GTF3C3: variants seen among roughly 807,000 people sequenced by gnomAD.
The protein encoded by GTF3C3 is general transcription factor IIIC subunit 3, also known as general transcription factor 3C polypeptide 3.
In GTF3C3, 75 loss-of-function variants were observed where a neutral mutation model predicts 105.2. The observed-to-expected ratio is 0.71, with a 90% CI of 0.59 to 0.86. The LOEUF is 0.86. Ranked by LOEUF, GTF3C3 falls within the 40% of genes least tolerant of loss-of-function variation. GTF3C3 has a pLI of 0.00. For missense variants in GTF3C3, 856 were observed against 1,076.5 expected (o/e 0.80, Z 2.87); for synonymous variants, 335 against 370.4 (o/e 0.90, Z 1.10).
At chr2:196,779,154 G>C in intron 9 of GTF3C3, 87 bp from the exon 10 acceptor site, 18 of 1,006,078 alleles carry the variant, frequency 1.8e-5, no homozygotes, top group Non-Finnish European at 2.5e-5. Context: ...TTGAGATGAA[G>C]TCTCTCCCTG....
At chr2:196,778,091 A>G (rs1699287732) in intron 10 of GTF3C3, 1 of 152,240 alleles carries the variant, frequency 6.6e-6, no homozygotes, top group Non-Finnish European at 1.5e-5. Flanking sequence ...CCAAAATGCC[A>G]ATCAATGCTT....
intron 16 of GTF3C3, 137 bp from the exon 17 acceptor site, chr2:196,766,854 G>T: frequency 1.8e-6 from 1 of 556,364 alleles, no homozygotes; most frequent in Non-Finnish European, 3.1e-6. Context: ...TTACTGTGTA[G>T]TATTACAGTG....
At chr2:196,784,813 AAG>A in intron 8 of GTF3C3, 42 bp downstream of exon 8, 1 of 1,549,634 alleles carries the variant, frequency 6.5e-7, no homozygotes, top group Non-Finnish European at 8.7e-7. Flanking sequence ...CCTTATGACC[AAG>A]AGAGGATTAT....
chr2:196,780,850 G>A (rs961062306), intron 8 of GTF3C3, 188 bp from the exon 9 acceptor site: 10 of 560,846 alleles, frequency 1.8e-5, no homozygotes, highest in Admixed American at 6.8e-5. Context: ...CTTCCTATTC[G>A]ATTTCTAATA....
Position 196,785,523 on chromosome 2 carries a change from T to TCATCCTA in GTF3C3, c.958_959insTAGGATG (p.His320LeufsTer3). ...ATCTTCCATGGAGACTAGGCCCTGG[T>TCATCCTA]GTTTTGAGAAAGCTTCATCAATTAT... On this transcript the variant is annotated stop_gained and frameshift_variant, in exon 7 of 18. Coordinates refer to ENST00000263956, the MANE Select transcript of GTF3C3 (RefSeq NM_012086.5). LOFTEE classifies it high-confidence loss of function. 6.2e-7 allele frequency: 1 copy of TCATCCTA among 1,605,310 alleles called. No individual in the cohort carries two copies. Among genetic ancestry groups the TCATCCTA allele is most frequent in the Non-Finnish European group, 8.5e-7 (1 of 1,172,416 alleles).
At chr2:196,782,982 C>T (rs150115319) in intron 8 of GTF3C3, among the ~76,000 whole-genome samples, 12 of 152,294 alleles carry the variant, frequency 7.9e-5, no homozygotes, top group African/African-American at 2.9e-4. Context: ...AGGTCTTTCA[C>T]ATTCAGAAGA....
intron 2 of GTF3C3, among the ~76,000 whole-genome samples, chr2:196,795,593 C>T (rs958114118): frequency 7.2e-5 from 11 of 152,188 alleles, no homozygotes; most frequent in Non-Finnish European, 1.5e-5. Context: ...TAGAACGAAG[C>T]ATTTGATAAA....
chr2:196,773,133 T>C lies in GTF3C3; in HGVS notation c.1852A>G (p.Ser618Gly). The change falls in exon 14 of 18, where the codon AGC becomes GGC. Residue 618 changes from serine to glycine, a missense_variant. Ser to Gly is a moderately conservative substitution (Grantham distance 56). This residue lies in a region of GTF3C3 where 605 missense variants were observed against 833.6 expected (regional missense o/e 0.73). Coordinates refer to ENST00000263956, the MANE Select transcript of GTF3C3 (RefSeq NM_012086.5). The stretch of plus-strand genomic sequence containing the variant: ...CACCAGTCATCCTTTGTCAAGACGC[T>C]TGTGAGCACAGCAAATATTGCTAAA... ...DAKAIFAVLTSVLTKDDWWNL... is the reference protein window; with the variant it reads ...DAKAIFAVLTGVLTKDDWWNL... The C allele has an allele frequency of 6.2e-7, 1 of 1,604,788 alleles. No homozygotes were observed. Among genetic ancestry groups the C allele is most frequent in the Non-Finnish European group, 8.5e-7 (1 of 1,175,010 alleles).
intron 14 of GTF3C3, 120 bp downstream of exon 14, chr2:196,772,796 A>C: frequency 3.3e-6 from 2 of 603,116 alleles, no homozygotes; most frequent in Admixed American, 2.8e-5. Context: ...GCCTCTGGGA[A>C]TCACCAATTA....
chr2:196,796,192 T>C (rs530372696), intron 2 of GTF3C3, among the ~76,000 whole-genome samples: 3 of 152,336 alleles, frequency 2.0e-5, no homozygotes, highest in African/African-American at 7.2e-5. Flanking sequence ...GGTAGAGTTC[T>C]GGGACAATTC....
intron 17 of GTF3C3, among the ~76,000 whole-genome samples, chr2:196,765,116 G>C (rs556265440): frequency 1.3e-5 from 2 of 152,104 alleles, no homozygotes; most frequent in African/African-American, 4.8e-5. Context: ...GAACACCAAT[G>C]AGCCAATGGG....
At chr2:196,765,446 C>G (rs1699044124) in intron 17 of GTF3C3, among the ~76,000 whole-genome samples, 1 of 151,712 alleles carries the variant, frequency 6.6e-6, no homozygotes. Flanking sequence ...TGAAAACTGC[C>G]TCCAGTAATA....
chr2:196,764,612 C>G lies in GTF3C3; in HGVS notation c.2612G>C (p.Gly871Ala). The change falls in exon 18 of 18, where the codon GGG (glycine) becomes GCG (alanine). Residue 871 changes from glycine to alanine, a missense_variant. This residue lies in a region of GTF3C3 where 134 missense variants were observed against 128.9 expected (regional missense o/e 1.04). Transcript: ENST00000263956. ...AAGCGTTTGAGCCATTCCGGTATTCCCACTGCTCTGATAGATGAGAGACAA... is the reference window on the plus strand; with the variant it reads ...AAGCGTTTGAGCCATTCCGGTATTCGCACTGCTCTGATAGATGAGAGACAA... ...YNLSLIYQSS[G>A]NTGMAQTLLY... 6 of 1,613,478 alleles carry G rather than the reference C, an allele frequency of 3.7e-6. No individual in the cohort carries two copies. The highest frequency in any genetic ancestry group is 5.1e-6 in the Non-Finnish European group (6 of 1,179,506).
At chr2:196,777,282 C>A (rs1056467119) in intron 10 of GTF3C3, among the ~76,000 whole-genome samples, 2 of 152,138 alleles carry the variant, frequency 1.3e-5, no homozygotes, top group South Asian at 4.2e-4. Flanking sequence ...TCACTTCACT[C>A]ATTTTTGTTA....
At chr2:196,784,724 C>G in intron 8 of GTF3C3, 133 bp downstream of exon 8, 4 of 1,121,024 alleles carry the variant, frequency 3.6e-6, no homozygotes, top group Non-Finnish European at 4.6e-6. Flanking sequence ...GAAAAAAATG[C>G]TTCTTGGGAA....
At position 196,763,495 on chromosome 2, in the gene GTF3C3, T is replaced by G. The variant is rs1337091747; in HGVS notation, c.*1068A>C. On this transcript the variant is annotated 3_prime_UTR_variant, in exon 18 of 18. Transcript: ENST00000263956. ...ATAAAATGCATTTAAATTATACACA[T>G]GGAGTATACAATATATTTACTTATT... 10 of 152,226 alleles carry G rather than the reference T, an allele frequency of 6.6e-5. No homozygotes were observed. The highest frequency in any genetic ancestry group is 6.5e-4 in the Admixed American group (10 of 15,290). The allele number at this position is 152,226 out of a possible 1,614,324, so 9.4% of individuals were successfully genotyped here.
At chr2:196,775,795 T>C (rs1699249902) in intron 12 of GTF3C3, among the ~76,000 whole-genome samples, 1 of 152,258 alleles carries the variant, frequency 6.6e-6, no homozygotes, top group Non-Finnish European at 1.5e-5. Flanking sequence ...CTCACTTTTC[T>C]AAATATGTAC....
In GTF3C3 at chr2:196,797,855, T is replaced by G. The variant is rs765999608; in HGVS notation, c.156A>C (p.Glu52Asp). ...LSAEENPDDS[E>D]VPSSSGINST... ...AGTTAATTCCTGATGATGATGGAACTTCAGAGTCATCGGGATTTTCTTCAG... is the reference window on the plus strand; with the variant it reads ...AGTTAATTCCTGATGATGATGGAACGTCAGAGTCATCGGGATTTTCTTCAG... Residue 52 changes from glutamate (E) to aspartate (D), a missense_variant, in exon 2 of 18, where the codon GAA (glutamate) becomes GAC (aspartate). Transcript: ENST00000263956. 1.9e-6 allele frequency: 3 copies of G among 1,613,042 alleles called. No individual in the cohort carries two copies. The South Asian group carries it at 3.3e-5, about 18-fold the overall frequency.
chr2:196,794,050 G>T (rs1699596940), intron 2 of GTF3C3, among the ~76,000 whole-genome samples: 1 of 152,158 alleles, frequency 6.6e-6, no homozygotes, highest in African/African-American at 2.4e-5. Context: ...GTGCTCTCAT[G>T]AATAGATTAA....
Sources: allele counts gnomAD v4.1 joint callset (sites outside exome capture counted in the v4.1 genomes callset), GRCh38; gene constraint gnomAD v4.1.1; regional missense constraint gnomAD v4.1.1; transcripts MANE v1.5; gene names NCBI Gene and HGNC (gene_info 2026-07-23, HGNC 2026-07-21).